GRIK4: variants seen among roughly 807,000 people sequenced by gnomAD.
The protein encoded by GRIK4 is glutamate receptor ionotropic, kainate 4.
GRIK4 carries 40 observed loss-of-function variants against 104.9 expected under a neutral mutation model. The ratio of observed to expected loss-of-function variants is 0.38; its 90% CI spans 0.30 to 0.50. The LOEUF (loss-of-function observed/expected upper bound fraction) is 0.50, where lower values mean the gene tolerates loss of function less well. Ranked by LOEUF, GRIK4 falls within the 20% of genes least tolerant of loss-of-function variation. GRIK4 has a pLI of 0.93. For synonymous variants in GRIK4, 485 were observed against 524.9 expected, an observed-to-expected ratio of 0.92 and a Z score of 1.04; for missense variants, 1,047 against 1,308.1, an observed-to-expected ratio of 0.80 and a Z score of 3.08.
intron 3 of GRIK4, among the ~76,000 whole-genome samples, chr11:120,766,741 C>T (rs1034414799): frequency 5.3e-5 from 8 of 151,768 alleles, no homozygotes; most frequent in Admixed American, 2.6e-4. Context: ...CTGGGTGAGA[C>T]GACACCCCAC....
intron 3 of GRIK4, among the ~76,000 whole-genome samples, chr11:120,766,775 G>T (rs1195134203): frequency 6.6e-6 from 1 of 151,422 alleles, no homozygotes; most frequent in East Asian, 2.0e-4. Flanking sequence ...GCCCTCTGTG[G>T]GCTGCACCCA....
chr11:120,668,613 C>CTGGACTCACCCAGGTTCCTTCAGTGGCT (rs1949963816), intron 3 of GRIK4, among the ~76,000 whole-genome samples: 3 of 152,268 alleles, frequency 2.0e-5, no homozygotes, highest in African/African-American at 7.2e-5. Flanking sequence ...TCTCTTCCAC[C>CTGGACTCACCCAGGTTCCTTCAGTGGCT]TGGACTCACC....
rs919676628 is a variant in GRIK4 at position 120,903,900 on chromosome 11, T to C, written c.1273-1390T>C. Reference sequence around the variant, plus strand: ...CGGCAGTGACACATGATCAACACGCTGGTTCCCAGCCCTGCTAGGTCTGTG... The same window carrying C: ...CGGCAGTGACACATGATCAACACGCCGGTTCCCAGCCCTGCTAGGTCTGTG... On this transcript the variant is annotated intron_variant, in intron 12 of 20. Coordinates refer to ENST00000527524, the MANE Select transcript of GRIK4 (RefSeq NM_014619.5). This position sits in a 1 kb window ranked among gnomAD's most constrained non-coding sequence, Gnocchi z 4.4. Among the ~76,000 whole-genome samples, 1 of 152,172 alleles carries C rather than the reference T, an allele frequency of 6.6e-6. No homozygotes were observed. Among genetic ancestry groups the C allele is most frequent in the African/African-American group, 2.4e-5 (1 of 41,438 alleles).
intron 8 of GRIK4, among the ~76,000 whole-genome samples, chr11:120,861,520 T>C (rs1183319223): frequency 6.6e-6 from 1 of 152,188 alleles, no homozygotes; most frequent in Non-Finnish European, 1.5e-5. Context: ...GAAAGGGCCA[T>C]GCACTTTCTC....
chr11:120,795,508 G>A (rs1018560498), intron 3 of GRIK4, among the ~76,000 whole-genome samples: 1 of 152,182 alleles, frequency 6.6e-6, no homozygotes, highest in Non-Finnish European at 1.5e-5. Flanking sequence ...AAAGACAAGC[G>A]GCCTTGAATT....
In GRIK4 at chr11:120,952,005, C is replaced by T. The variant is rs1400116454; in HGVS notation, c.1591-850C>T. Among the ~76,000 whole-genome samples, 1 of 152,208 alleles carries T rather than the reference C, an allele frequency of 6.6e-6. No homozygotes were observed. The highest frequency in any genetic ancestry group is 2.4e-5 in the African/African-American group (1 of 41,454). ...GAGGCCAGAAAGGGGTGGGAACTTG[C>T]CTGAGACCACACGGCTAAAGACTTG... On this transcript the variant is annotated intron_variant, in intron 14 of 20. Transcript: ENST00000527524. The surrounding 1 kb of genome is among the most constrained non-coding windows in gnomAD (Gnocchi z 5.2).
At chr11:120,898,991 C>T (rs1049478292) in intron 12 of GRIK4, among the ~76,000 whole-genome samples, 9 of 152,288 alleles carry the variant, frequency 5.9e-5, no homozygotes, top group Admixed American at 5.2e-4. Context: ...CCCAGCAGCC[C>T]ACCTTGCTGG....
chr11:120,591,535 G>A (rs1948733079), intron 1 of GRIK4, among the ~76,000 whole-genome samples: 1 of 152,108 alleles, frequency 6.6e-6, no homozygotes, highest in Non-Finnish European at 1.5e-5. Flanking sequence ...GTGTTGTAAG[G>A]GTTAACTGTA....
At chr11:120,575,021 A>T (rs1036095164) in intron 1 of GRIK4, among the ~76,000 whole-genome samples, 4 of 152,220 alleles carry the variant, frequency 2.6e-5, no homozygotes, top group Non-Finnish European at 5.9e-5. Context: ...AAGCTGTGTC[A>T]TGCTTTGAGA....
intron 1 of GRIK4, chr11:120,620,367 C>T (rs1174329908): frequency 1.7e-5 from 10 of 589,090 alleles, no homozygotes; most frequent in Non-Finnish European, 3.1e-5. Context: ...TGTCTCGAGC[C>T]ACCACAGCCT....
At chr11:120,974,605 A>G (rs188008960) in intron 19 of GRIK4, among the ~76,000 whole-genome samples, 1 of 152,236 alleles carries the variant, frequency 6.6e-6, no homozygotes, top group South Asian at 2.1e-4. Flanking sequence ...CAGCTCAAAC[A>G]TTACTGCCAA....
intron 9 of GRIK4, among the ~76,000 whole-genome samples, chr11:120,862,537 C>T (rs185940542): frequency 7.1e-4 from 108 of 152,256 alleles, no homozygotes; most frequent in Non-Finnish European, 1.2e-3. Context: ...GGGTCTTGTT[C>T]AAGGGCAAAC....
chr11:120,987,213 G>A lies in GRIK4; in HGVS notation c.*953G>A, dbSNP rs1027967966. On this transcript the variant is annotated 3_prime_UTR_variant, in exon 21 of 21. Transcript: ENST00000527524. ...CAAAGTATCCTAGGACTTTGTTTAA[G>A]GAGCGGAAAGAGCAGATAGAATTTT... 6.6e-6 allele frequency: 1 copy of A among 152,254 alleles called. No individual in the cohort carries two copies. Among genetic ancestry groups the A allele is most frequent in the Non-Finnish European group, 1.5e-5 (1 of 68,056 alleles). 9.4% of individuals were successfully genotyped at this position (152,254 alleles called of 1,614,324 possible). A position where few individuals can be genotyped will look rare whatever the true frequency, so the allele number is the denominator to read the frequency against.
intron 8 of GRIK4, among the ~76,000 whole-genome samples, chr11:120,846,865 A>T (rs1953865034): frequency 6.6e-6 from 1 of 151,998 alleles, no homozygotes; most frequent in South Asian, 2.1e-4. Flanking sequence ...GAAATCGGCC[A>T]CCCTCCTCTT....
At chr11:120,715,974 G>A (rs781240217) in intron 3 of GRIK4, among the ~76,000 whole-genome samples, 1 of 152,192 alleles carries the variant, frequency 6.6e-6, no homozygotes, top group Non-Finnish European at 1.5e-5. Context: ...ATCCTGAGCA[G>A]AGAGTGGGCT....
At chr11:120,560,023 C>T (rs1217199620) in intron 1 of GRIK4, among the ~76,000 whole-genome samples, 2 of 151,640 alleles carry the variant, frequency 1.3e-5, no homozygotes, top group Admixed American at 6.6e-5. Context: ...GTTGGTGTGG[C>T]ATTGTTTTGA....
intron 13 of GRIK4, among the ~76,000 whole-genome samples, chr11:120,937,064 GTCTC>G (rs1167819458): frequency 6.6e-6 from 1 of 152,140 alleles, no homozygotes; most frequent in African/African-American, 2.4e-5. Context: ...TTAAGATGGA[GTCTC>G]TCTCTGTTGC....
At chr11:120,835,973 C>G (rs143672949) in intron 7 of GRIK4, among the ~76,000 whole-genome samples, 1 of 152,188 alleles carries the variant, frequency 6.6e-6, no homozygotes, top group Non-Finnish European at 1.5e-5. Context: ...TGATTCCTTA[C>G]GACAAATAAA....
intron 3 of GRIK4, among the ~76,000 whole-genome samples, chr11:120,706,655 G>A (rs1234946466): frequency 6.6e-6 from 1 of 152,154 alleles, no homozygotes; most frequent in East Asian, 1.9e-4. Context: ...TTCGACCTAT[G>A]GGGATCTTTA....
Sources: gnomAD v4.1 joint callset for allele counts (sites outside exome capture counted in the v4.1 genomes callset) on GRCh38, gnomAD v4.1.1 for gene constraint, Gnocchi (gnomAD v3.1) non-coding constraint, MANE v1.5 for transcripts, NCBI Gene and HGNC (gene_info 2026-07-23, HGNC 2026-07-21) for gene names.